Variants in KPNA1 observed in about 807,000 individuals in gnomAD.
The protein encoded by KPNA1 is karyopherin subunit alpha 1, also known as importin subunit alpha-5.
KPNA1 carries 10 observed loss-of-function variants against 70.5 expected under a neutral mutation model. That is an observed-to-expected ratio of 0.14 (90% CI 0.09 to 0.24). KPNA1 has a LOEUF of 0.24. KPNA1 is among the 10% of genes least tolerant of loss of function. KPNA1 has a pLI of 1.00. For synonymous variants in KPNA1, 192 were observed against 221.9 expected (o/e 0.87, Z 1.20); for missense variants, 397 against 637.9 (o/e 0.62, Z 4.07).
At chr3:122,489,268 AC>A (rs1412457334) in intron 2 of KPNA1, among the ~76,000 whole-genome samples, 1 of 144,990 alleles carries the variant, frequency 6.9e-6, no homozygotes, top group Non-Finnish European at 1.5e-5. Flanking sequence ...GTCTTTTTAT[AC>A]CTTTTTACTT....
intron 3 of KPNA1, among the ~76,000 whole-genome samples, chr3:122,465,159 G>A (rs2076366432): frequency 1.3e-5 from 2 of 152,150 alleles, no homozygotes; most frequent in Non-Finnish European, 2.9e-5. Flanking sequence ...AGGCTATCAA[G>A]GACAGGAGTG....
chr3:122,454,581 G>T (rs1457615309), intron 5 of KPNA1, among the ~76,000 whole-genome samples: 1 of 152,202 alleles, frequency 6.6e-6, no homozygotes, highest in African/African-American at 2.4e-5. Context: ...AAAGTAAAAT[G>T]GGGGGAGAAT....
rs749692432 is a variant in KPNA1 at position 122,442,144 on chromosome 3, CA to C, written c.918-29del. The C allele has an allele frequency of 2.6e-5, 40 of 1,531,054 alleles. 1 individual carries two copies. The highest frequency in any genetic ancestry group is 3.5e-5 in the Non-Finnish European group (39 of 1,105,198). 94.8% of individuals were successfully genotyped at this position (1,531,054 alleles called of 1,614,324 possible). The stretch of plus-strand genomic sequence containing the variant: ...GCAAAAACAAAAAGTAATGTTATAG[CA>C]AACAGTTCTATCCTTAGTTTCATTT... On this transcript the variant is annotated intron_variant, in intron 9 of 13. Transcript: ENST00000344337.
At chr3:122,481,940 T>C (rs2076575857) in intron 2 of KPNA1, among the ~76,000 whole-genome samples, 1 of 152,232 alleles carries the variant, frequency 6.6e-6, no homozygotes, top group African/African-American at 2.4e-5. Flanking sequence ...TTTAAGGTTT[T>C]AAAGAAACTC....
At chr3:122,453,799 G>A (rs897736810) in intron 6 of KPNA1, 71 bp downstream of exon 6, 5 of 1,451,156 alleles carry the variant, frequency 3.4e-6, no homozygotes, top group African/African-American at 1.4e-5. Flanking sequence ...CAAAATGTTG[G>A]GATTACAGGA....
Position 122,462,920 on chromosome 3 carries a change from A to G in KPNA1, c.337+1022T>C, listed in dbSNP as rs528466842. Among the ~76,000 whole-genome samples the G allele has an allele frequency of 5.3e-5, 8 of 152,268 alleles. 1 individual carries two copies. The highest frequency in any genetic ancestry group is 6.8e-3 in the Middle Eastern group (2 of 294). On this transcript the variant is annotated intron_variant, in intron 4 of 13. Coordinates refer to ENST00000344337, the MANE Select transcript of KPNA1 (RefSeq NM_002264.4). ...TATCAGATTCCATTCTACACTAATT[A>G]TATCAAAAAAAGTACTTACCAGCCG...
At chr3:122,454,065 G>GT in intron 5 of KPNA1, 64 bp from the exon 6 acceptor site, 1 of 1,153,834 alleles carries the variant, frequency 8.7e-7, no homozygotes, top group Non-Finnish European at 1.2e-6. Context: ...ACTTATAACA[G>GT]TAACATTTTC....
chr3:122,476,600 G>A (rs2076500212), intron 2 of KPNA1, among the ~76,000 whole-genome samples: 1 of 151,604 alleles, frequency 6.6e-6, no homozygotes, highest in Non-Finnish European at 1.5e-5. Context: ...TTTAAAATAG[G>A]GAAAGAACTT....
At chr3:122,445,074 GGC>G (rs1253146778) in intron 9 of KPNA1, among the ~76,000 whole-genome samples, 1 of 152,198 alleles carries the variant, frequency 6.6e-6, no homozygotes, top group African/African-American at 2.4e-5. Flanking sequence ...GACAGAAGTA[GGC>G]TTCAGAAGGT....
At chr3:122,500,390 G>C (rs1333313863) in intron 1 of KPNA1, among the ~76,000 whole-genome samples, 1 of 152,090 alleles carries the variant, frequency 6.6e-6, no homozygotes, top group Admixed American at 6.6e-5. Context: ...CCAAAGTGCT[G>C]GGATTATAGG....
chr3:122,478,578 T>C (rs2076532482), intron 2 of KPNA1, among the ~76,000 whole-genome samples: 1 of 151,872 alleles, frequency 6.6e-6, no homozygotes, highest in African/African-American at 2.4e-5. Flanking sequence ...AAAAATTAGC[T>C]GGACATGTTG....
chr3:122,497,418 T>C (rs554277438), intron 1 of KPNA1, among the ~76,000 whole-genome samples: 3 of 152,368 alleles, frequency 2.0e-5, no homozygotes, highest in East Asian at 1.9e-4. Context: ...TACACAGATA[T>C]GTTTTAATTT....
intron 2 of KPNA1, among the ~76,000 whole-genome samples, chr3:122,486,689 G>C (rs571998224): frequency 6.6e-6 from 1 of 151,972 alleles, no homozygotes; most frequent in African/African-American, 2.4e-5. Context: ...CCAGGTTCAC[G>C]CCATTCTCCT....
In KPNA1 at chr3:122,430,107, A is replaced by G. The variant is rs117918423; in HGVS notation, c.1251-2391T>C. Among the ~76,000 whole-genome samples, 40 of 151,728 alleles carry G rather than the reference A, an allele frequency of 2.6e-4. 1 individual carries two copies. In the East Asian group the frequency reaches 6.6e-3, roughly 25 times the overall value. The stretch of plus-strand genomic sequence containing the variant: ...TCTTCAGTGCTGGGAATCCTTTTTT[A>G]TATGTTATTGTTGCTTTTTTAATTG... On this transcript the variant is annotated intron_variant, in intron 12 of 13. Coordinates refer to ENST00000344337, the MANE Select transcript of KPNA1 (RefSeq NM_002264.4).
chr3:122,471,916 T>C (rs1195178396), intron 2 of KPNA1, among the ~76,000 whole-genome samples: 3 of 152,230 alleles, frequency 2.0e-5, no homozygotes, highest in Admixed American at 2.0e-4. Flanking sequence ...ATGCTTAGCG[T>C]GTATAAGCCT....
intron 2 of KPNA1, among the ~76,000 whole-genome samples, chr3:122,482,681 T>G (rs940872267): frequency 2.0e-5 from 3 of 152,138 alleles, no homozygotes; most frequent in African/African-American, 7.2e-5. Flanking sequence ...CAAAATTAAA[T>G]TGCATTTCTA....
chr3:122,463,888 G>T, intron 4 of KPNA1, 54 bp downstream of exon 4: 1 of 950,900 alleles, frequency 1.1e-6, no homozygotes. Context: ...CAGACTATGG[G>T]AAAGTAATTT....
At chr3:122,512,137 G>A (rs967722826) in intron 1 of KPNA1, among the ~76,000 whole-genome samples, 14 of 151,782 alleles carry the variant, frequency 9.2e-5, no homozygotes, top group African/African-American at 3.4e-4. Context: ...ACAGCTCTGA[G>A]ACTCCTGACA....
At chr3:122,453,472 C>A (rs2107738350) in intron 6 of KPNA1, among the ~76,000 whole-genome samples, 1 of 152,258 alleles carries the variant, frequency 6.6e-6, no homozygotes, top group South Asian at 2.1e-4. Flanking sequence ...CCAAAGCCAA[C>A]TGGTGAAACT....
Sources: gnomAD v4.1 joint callset for allele counts (sites outside exome capture counted in the v4.1 genomes callset) on GRCh38, gnomAD v4.1.1 for gene constraint, MANE v1.5 for transcripts, NCBI Gene and HGNC (gene_info 2026-07-23, HGNC 2026-07-21) for gene names.